PCSK5: variants seen among roughly 807,000 people sequenced by gnomAD.
The protein encoded by PCSK5 is prohormone convertase 5.
In PCSK5, 129 loss-of-function variants were observed where a neutral mutation model predicts 233.2. That is an observed-to-expected ratio of 0.55 (90% confidence interval 0.48 to 0.64). The LOEUF (loss-of-function observed/expected upper bound fraction) is 0.64. Among genes scored for constraint, PCSK5 ranks in the 30% least tolerant of loss-of-function variants. PCSK5 has a pLI of 0.00. For missense variants in PCSK5, 2,076 were observed against 2,430.1 expected (o/e 0.85, Z 3.06); for synonymous variants, 825 against 879.2 (o/e 0.94, Z 1.09).
chr9:75,971,868 G>A (rs1182705485), intron 2 of PCSK5, among the ~76,000 whole-genome samples: 1 of 151,692 alleles, frequency 6.6e-6, no homozygotes, highest in Non-Finnish European at 1.5e-5. Flanking sequence ...CTCACATTTT[G>A]TAGGTTGCCT....
At chr9:76,353,225 G>A (rs1830212092) in intron 36 of PCSK5, among the ~76,000 whole-genome samples, 2 of 152,294 alleles carry the variant, frequency 1.3e-5, no homozygotes, top group South Asian at 4.1e-4. Flanking sequence ...AGTTACAGAA[G>A]TAAAATAGGA....
chr9:76,302,692 C>T (rs1186256713), intron 28 of PCSK5, among the ~76,000 whole-genome samples: 1 of 152,086 alleles, frequency 6.6e-6, no homozygotes, highest in Non-Finnish European at 1.5e-5. Flanking sequence ...TCTTTCTGTA[C>T]TGATAAAGAA....
intron 9 of PCSK5, among the ~76,000 whole-genome samples, chr9:76,110,125 G>A (rs1832150583): frequency 6.6e-6 from 1 of 152,138 alleles, no homozygotes; most frequent in South Asian, 2.1e-4. Flanking sequence ...AAGTTGAGGA[G>A]CAAGATCTAC....
At chr9:76,181,722 T>C in intron 16 of PCSK5, 131 bp downstream of exon 16, 1 of 631,830 alleles carries the variant, frequency 1.6e-6, no homozygotes, top group South Asian at 2.2e-5. Flanking sequence ...AGTTCATTCA[T>C]TTTAAGAGAA....
intron 13 of PCSK5, 29 bp downstream of exon 13, chr9:76,169,869 T>C: frequency 6.3e-7 from 1 of 1,588,568 alleles, no homozygotes; most frequent in Non-Finnish European, 8.6e-7. Context: ...TACATTGTTC[T>C]ACTGTGTAGA....
intron 24 of PCSK5, among the ~76,000 whole-genome samples, chr9:76,245,304 C>T (rs1211255643): frequency 6.6e-6 from 1 of 152,236 alleles, no homozygotes. Flanking sequence ...GCTGTCTCCA[C>T]TCTTGGGATA....
At chr9:76,298,607 T>C (rs764668030) in intron 27 of PCSK5, among the ~76,000 whole-genome samples, 5 of 151,220 alleles carry the variant, frequency 3.3e-5, no homozygotes, top group Non-Finnish European at 7.4e-5. Context: ...GTCCTGGGAG[T>C]ATTTGAGCCA....
At chr9:75,900,335 T>G (rs1825971431) in intron 1 of PCSK5, among the ~76,000 whole-genome samples, 3 of 152,182 alleles carry the variant, frequency 2.0e-5, no homozygotes, top group Admixed American at 2.0e-4. Context: ...GTAGCTAGAA[T>G]AGTATCTGAC....
At chr9:76,302,959 C>CTTTTTTTTTTTTTTTTTTTTT (rs10552673) in intron 28 of PCSK5, among the ~76,000 whole-genome samples, 1 of 87,492 alleles carries the variant, frequency 1.1e-5, no homozygotes. Context: ...CAAAGTGGTT[C>CTTTTTTTTTTTTTTTTTTTTT]TTTTTTTTTT....
At chr9:76,044,530 TG>T (rs1409473473) in intron 5 of PCSK5, among the ~76,000 whole-genome samples, 1 of 152,116 alleles carries the variant, frequency 6.6e-6, no homozygotes, top group Non-Finnish European at 1.5e-5. Context: ...TGTAAAACAG[TG>T]GGGGAAATAA....
intron 10 of PCSK5, among the ~76,000 whole-genome samples, chr9:76,149,570 C>T (rs1204058266): frequency 6.6e-6 from 1 of 152,144 alleles, no homozygotes. Context: ...ATTGTTTGCT[C>T]AAGTTTTACA....
chr9:76,123,720 C>G (rs1196605964), intron 9 of PCSK5, among the ~76,000 whole-genome samples: 1 of 152,058 alleles, frequency 6.6e-6, no homozygotes, highest in African/African-American at 2.4e-5. Flanking sequence ...CAAAATAAAA[C>G]TTTAAATTGT....
chr9:76,146,624 A>G (rs1298780894), intron 10 of PCSK5, among the ~76,000 whole-genome samples: 2 of 151,950 alleles, frequency 1.3e-5, no homozygotes, highest in Non-Finnish European at 2.9e-5. Context: ...GTTGACTTGG[A>G]AAAGATAAGT....
chr9:76,017,293 ATC>A (rs1329560989), intron 3 of PCSK5, among the ~76,000 whole-genome samples: 6 of 151,936 alleles, frequency 3.9e-5, no homozygotes, highest in Admixed American at 6.6e-5. Context: ...TTGCCAATCT[ATC>A]TCTCCAGACA....
chr9:76,111,533 C>A (rs76877592), intron 9 of PCSK5, among the ~76,000 whole-genome samples: 2,689 of 152,084 alleles, frequency 0.018, 35 homozygotes, highest in East Asian at 0.062. Flanking sequence ...TGATGTGGTA[C>A]CCTCAGAACA....
chr9:75,908,369 G>A (rs991319140), intron 1 of PCSK5, among the ~76,000 whole-genome samples: 1 of 152,192 alleles, frequency 6.6e-6, no homozygotes, highest in South Asian at 2.1e-4. Context: ...TGGGATATAT[G>A]GTTTGAAAGT....
intron 24 of PCSK5, among the ~76,000 whole-genome samples, chr9:76,247,986 A>C (rs1826671388): frequency 6.6e-6 from 1 of 152,030 alleles, no homozygotes; most frequent in Non-Finnish European, 1.5e-5. Flanking sequence ...GAGTTTCACC[A>C]TGTTGGCCAG....
At chr9:76,144,270 C>G (rs895036471) in intron 10 of PCSK5, among the ~76,000 whole-genome samples, 2 of 151,742 alleles carry the variant, frequency 1.3e-5, no homozygotes, top group Non-Finnish European at 2.9e-5. Flanking sequence ...GTCAGGAAAT[C>G]ATCCGCTTCT....
chr9:76,015,470 T>C (rs1328566527), intron 3 of PCSK5, among the ~76,000 whole-genome samples: 1 of 152,204 alleles, frequency 6.6e-6, no homozygotes, highest in East Asian at 1.9e-4. Flanking sequence ...TGAATGATTA[T>C]TTTTATTATG....
Sources: gnomAD v4.1 joint callset for allele counts (sites outside exome capture counted in the v4.1 genomes callset) on GRCh38, gnomAD v4.1.1 for gene constraint, MANE v1.5 for transcripts, NCBI Gene and HGNC (gene_info 2026-07-23, HGNC 2026-07-21) for gene names.